NUP85: variants seen among roughly 807,000 people sequenced by gnomAD.
NUP85 encodes nucleoporin 85.
NUP85 carries 23 observed loss-of-function variants against 92.8 expected under a neutral mutation model. The observed-to-expected ratio is 0.25, with a 90% CI of 0.18 to 0.35. NUP85 has a LOEUF of 0.35. NUP85 is among the 10% of genes least tolerant of loss of function. NUP85 has a pLI of 1.00. For missense variants in NUP85, 759 were observed against 822.8 expected (o/e 0.92, Z 0.95); for synonymous variants, 314 against 306.9 (o/e 1.02, Z -0.24).
chr17:75,222,987 A>G (rs193149375), intron 7 of NUP85, among the ~76,000 whole-genome samples: 2,147 of 148,666 alleles, frequency 0.014, 33 homozygotes, highest in Non-Finnish European at 0.02. Context: ...GTGAGCCGAG[A>G]TCGCGCCACT....
chr17:75,215,930 T>C, intron 6 of NUP85, 107 bp downstream of exon 6: 2 of 1,012,146 alleles, frequency 2.0e-6, no homozygotes, highest in South Asian at 1.4e-5. Context: ...CCTGAGAATG[T>C]TCTTTCCATC....
At chr17:75,212,469 G>GT (rs57106942) in intron 4 of NUP85, among the ~76,000 whole-genome samples, 4 of 77,446 alleles carry the variant, frequency 5.2e-5, no homozygotes, top group African/African-American at 2.3e-4. Context: ...TGTGCCTGGA[G>GT]TTTTTTTTTT....
intron 11 of NUP85, chr17:75,228,752 C>T (rs1213770549): frequency 3.0e-6 from 3 of 985,102 alleles, no homozygotes; most frequent in Non-Finnish European, 3.6e-6. Context: ...TTCATATGAA[C>T]ATGGAGAAGG....
intron 7 of NUP85, among the ~76,000 whole-genome samples, chr17:75,223,634 C>T (rs1443895503): frequency 6.6e-6 from 1 of 152,112 alleles, no homozygotes; most frequent in Admixed American, 6.5e-5. Context: ...GTGATCCACC[C>T]GTCTCGGCCT....
At chr17:75,223,904 C>T (rs1249591014) in intron 7 of NUP85, among the ~76,000 whole-genome samples, 2 of 152,086 alleles carry the variant, frequency 1.3e-5, no homozygotes, top group South Asian at 2.1e-4. Flanking sequence ...ATAGTGGTGA[C>T]AGTTTCAGCT....
Position 75,235,730 on chromosome 17 carries a change from A to T in NUP85, c.*51A>T. ...TATGGCAATGTATATAGATTTTTTT[A>T]AAAGAATAAATGTTGTTTTGCAAAT... On this transcript the variant is annotated 3_prime_UTR_variant, in exon 19 of 19. Coordinates refer to ENST00000245544, the MANE Select transcript of NUP85 (RefSeq NM_024844.5). 7.5e-7 allele frequency: 1 copy of T among 1,335,292 alleles called. No individual in the cohort carries two copies. The highest frequency in any genetic ancestry group is 2.3e-5 in the East Asian group (1 of 42,800). 82.7% of individuals were successfully genotyped at this position (1,335,292 alleles called of 1,614,324 possible).
Position 75,234,667 on chromosome 17 carries a change from G to A in NUP85, c.1646G>A (p.Gly549Glu). The change falls in exon 17 of 19, where the codon GGG (glycine) becomes GAG (glutamate). Residue 549 changes from glycine (G) to glutamate (E), a missense_variant. By Grantham distance (98) the Gly-to-Glu change is moderately conservative. Coordinates refer to ENST00000245544, the MANE Select transcript of NUP85 (RefSeq NM_024844.5). ...GKYREFHRMYGEKRFADAASL... is the reference protein window; with the variant it reads ...GKYREFHRMYEEKRFADAASL... The stretch of plus-strand genomic sequence containing the variant: ...TATCGCGAGTTCCACCGTATGTACG[G>A]GGAGAAGCGTTTTGCCGACGCAGCT... The A allele has an allele frequency of 1.9e-6, 3 of 1,614,188 alleles. No homozygotes were observed. The highest frequency in any genetic ancestry group is 1.7e-5 in the Admixed American group (1 of 60,016).
intron 1 of NUP85, 42 bp downstream of exon 1, chr17:75,205,836 A>G (rs1256409711): frequency 4.3e-6 from 7 of 1,610,014 alleles, no homozygotes; most frequent in Middle Eastern, 1.7e-4. Flanking sequence ...TTGCGGGTTG[A>G]GAACTGCGTC....
At position 75,209,877 on chromosome 17, in the gene NUP85, T is replaced by C. The variant is rs766026448; in HGVS notation, c.182T>C (p.Val61Ala). The change falls in exon 3 of 19, where the codon GTA becomes GCA. Residue 61 changes from valine to alanine, a missense_variant. By Grantham distance (64) the Val-to-Ala change is moderately conservative. Transcript: ENST00000245544. ...TTTATCTATATCATCCGTAAGGATGTAGATGTTTACTCTCAAATCTTGAGA... is the reference window on the plus strand; with the variant it reads ...TTTATCTATATCATCCGTAAGGATGCAGATGTTTACTCTCAAATCTTGAGA... Reference protein sequence around the residue: ...CPFIYIIRKDVDVYSQILRKL... With the variant: ...CPFIYIIRKDADVYSQILRKL... 3.8e-6 allele frequency: 6 copies of C among 1,587,392 alleles called. No individual in the cohort carries two copies. Among genetic ancestry groups the C allele is most frequent in the Non-Finnish European group, 4.3e-6 (5 of 1,173,038 alleles).
chr17:75,235,588 T>TAGG lies in NUP85; in HGVS notation c.1882_1883insGAG (p.Ile627_Glu628insGly). 1 of 1,613,760 alleles carries TAGG rather than the reference T, an allele frequency of 6.2e-7. No homozygotes were observed. Among genetic ancestry groups the TAGG allele is most frequent in the Non-Finnish European group, 8.5e-7 (1 of 1,179,636 alleles). ...CTCTCTGCTTTGCAGGATGATGACA[T>TAGG]AGAGACCACCAAGGTGGAAATGCTG... is the stretch of plus-strand genomic sequence containing the variant. On this transcript the variant is annotated inframe_insertion, in exon 19 of 19. Transcript: ENST00000245544.
At chr17:75,233,667 C>T (rs377464982) in intron 16 of NUP85, among the ~76,000 whole-genome samples, 11 of 150,394 alleles carry the variant, frequency 7.3e-5, no homozygotes, top group Admixed American at 1.3e-4. Flanking sequence ...GGCGTGATCT[C>T]GGCTCACTGC....
chr17:75,208,440 CAAAAAA>C (rs10579016), intron 1 of NUP85, 81 bp from the exon 2 acceptor site: 2,552 of 569,114 alleles, frequency 4.5e-3, no homozygotes, highest in Non-Finnish European at 5.2e-3. Flanking sequence ...GTCTTTGTCT[CAAAAAA>C]AAAAAAAAAA....
At chr17:75,212,831 C>T (rs2075316458) in intron 4 of NUP85, among the ~76,000 whole-genome samples, 1 of 151,886 alleles carries the variant, frequency 6.6e-6, no homozygotes, top group African/African-American at 2.4e-5. Flanking sequence ...TGTCAGAGAC[C>T]TTTATGGTAG....
intron 18 of NUP85, 65 bp from the exon 19 acceptor site, chr17:75,235,513 C>A: frequency 1.7e-6 from 2 of 1,156,900 alleles, no homozygotes; most frequent in Non-Finnish European, 2.6e-6. Context: ...ATTAGCTAGA[C>A]CCTTCGGGAG....
chr17:75,231,660 T>G lies in NUP85; in HGVS notation c.1244+22T>G, dbSNP rs1300040165. On this transcript the variant is annotated intron_variant, in intron 13 of 18. Coordinates refer to ENST00000245544, the MANE Select transcript of NUP85 (RefSeq NM_024844.5). The surrounding 1 kb of genome is among the most constrained non-coding windows in gnomAD (Gnocchi z 4.6). ...CCAGGTAGGAAGGACCCCATGGGTG[T>G]GGGCTATGCGGGTGCTCTTCAGCAT... is the stretch of plus-strand genomic sequence containing the variant. The G allele has an allele frequency of 6.2e-7, 1 of 1,613,308 alleles. No individual in the cohort carries two copies. The highest frequency in any genetic ancestry group is 1.1e-5 in the South Asian group (1 of 91,064).
intron 4 of NUP85, 75 bp from the exon 5 acceptor site, chr17:75,213,001 G>T: frequency 1.5e-6 from 2 of 1,364,506 alleles, no homozygotes; most frequent in South Asian, 1.2e-5. Context: ...TCAAGCCATA[G>T]ACCCTGGAAT....
At position 75,222,345 on chromosome 17, in the gene NUP85, G is replaced by A. The variant is rs114772645; in HGVS notation, c.598-2758G>A. ...CAGGCGTGAGGCACCATGCCTGTCC[G>A]ACATGTTACGTTTTAAGATGCCTAT... On this transcript the variant is annotated intron_variant, in intron 7 of 18. Transcript: ENST00000245544. 5.6e-3 allele frequency among the ~76,000 whole-genome samples: 851 copies of A among 152,226 alleles called. 7 individuals carry two copies. Among genetic ancestry groups the A allele is most frequent in the African/African-American group, 0.019 (799 of 41,544 alleles).
At chr17:75,232,108 C>T (rs550231964) in intron 14 of NUP85, 129 bp downstream of exon 14, 52 of 923,448 alleles carry the variant, frequency 5.6e-5, no homozygotes, top group African/African-American at 4.0e-4. Context: ...GGGCTGTGGA[C>T]GCCAAGAGGT....
chr17:75,224,266 C>T (rs967401103), intron 7 of NUP85, among the ~76,000 whole-genome samples: 1 of 151,748 alleles, frequency 6.6e-6, no homozygotes, highest in Non-Finnish European at 1.5e-5. Context: ...AGGATGGTCT[C>T]GATCTTCTGA....
Sources: allele counts gnomAD v4.1 joint callset (sites outside exome capture counted in the v4.1 genomes callset), GRCh38; gene constraint gnomAD v4.1.1; non-coding constraint Gnocchi (gnomAD v3.1); transcripts MANE v1.5; gene names NCBI Gene and HGNC (gene_info 2026-07-23, HGNC 2026-07-21).